Variants in ARPP19 observed in about 807,000 individuals in gnomAD.
ARPP19 encodes the protein cAMP-regulated phosphoprotein 19.
Under a neutral mutation model 12.0 loss-of-function variants are expected in ARPP19, and 8 were observed. The ratio of observed to expected loss-of-function variants is 0.67; its 90% CI spans 0.39 to 1.21. The LOEUF (loss-of-function observed/expected upper bound fraction) is 1.21, where lower values mean the gene tolerates loss of function less well. Ranked by LOEUF, ARPP19 falls within the 50% of genes most tolerant of loss-of-function variation. ARPP19 has a pLI of 0.01. For synonymous variants in ARPP19, 47 were observed against 50.4 expected, an observed-to-expected ratio of 0.93 and a Z score of 0.29; for missense variants, 102 against 136.3, an observed-to-expected ratio of 0.75 and a Z score of 1.25.
intron 1 of ARPP19, 21 bp downstream of exon 1, chr15:52,568,827 G>C (rs761326485): frequency 6.4e-7 from 1 of 1,561,984 alleles, no homozygotes; most frequent in Admixed American, 1.9e-5. Flanking sequence ...AGGGCCCAGG[G>C]CTCACGCCCC....
chr15:52,567,558 G>C (rs181581783), intron 1 of ARPP19, among the ~76,000 whole-genome samples: 2 of 152,240 alleles, frequency 1.3e-5, no homozygotes, highest in East Asian at 3.9e-4. Flanking sequence ...ATAAGCAGGT[G>C]ATACTTAATA....
chr15:52,566,150 G>A (rs1344937467), intron 1 of ARPP19, among the ~76,000 whole-genome samples: 6 of 150,698 alleles, frequency 4.0e-5, no homozygotes, highest in Non-Finnish European at 7.4e-5. Context: ...CACCGTGCCC[G>A]GCCAAATTTT....
chr15:52,564,251 A>G (rs2078061098), intron 1 of ARPP19: 3 of 1,532,276 alleles, frequency 2.0e-6, no homozygotes, highest in East Asian at 4.9e-5. Flanking sequence ...TTCACTCTGA[A>G]TAGAAATAGA....
chr15:52,569,078 G>A (rs370034014), upstream of ARPP19: 2 of 565,266 alleles, frequency 3.5e-6, no homozygotes, highest in Admixed American at 4.2e-5. Flanking sequence ...TCGCACGCCG[G>A]AGCCCGCCTG....
At chr15:52,556,306 TAGTA>T (rs1028203050) in intron 2 of ARPP19, among the ~76,000 whole-genome samples, 2 of 151,878 alleles carry the variant, frequency 1.3e-5, no homozygotes, top group African/African-American at 4.8e-5. Flanking sequence ...CTTCCCTGTA[TAGTA>T]AGTAATTTGA....
intron 1 of ARPP19, among the ~76,000 whole-genome samples, chr15:52,563,427 T>C (rs1182278631): frequency 1.3e-5 from 2 of 152,290 alleles, no homozygotes; most frequent in African/African-American, 2.4e-5. Context: ...ATGTATACGA[T>C]GTATGTATCC....
chr15:52,551,847 G>T lies in ARPP19; in HGVS notation c.*87C>A. ...CAAAGCTGTCAGTCTCAAATGACTA[G>T]TGAATGAAAGGAAATAAAAAGTAGA... On this transcript the variant is annotated 3_prime_UTR_variant, in exon 3 of 3. Coordinates refer to ENST00000249822, the MANE Select transcript of ARPP19 (RefSeq NM_006628.6). 1 of 1,005,260 alleles carries T rather than the reference G, an allele frequency of 9.9e-7. No homozygotes were observed. Among genetic ancestry groups the T allele is most frequent in the Non-Finnish European group, 1.5e-6 (1 of 660,102 alleles). The allele number at this position is 1,005,260 out of a possible 1,614,324, so 62.3% of individuals were successfully genotyped here. A position where few individuals can be genotyped will look rare whatever the true frequency, so the allele number is the denominator to read the frequency against.
At chr15:52,559,438 G>A (rs1371369017) in intron 1 of ARPP19, among the ~76,000 whole-genome samples, 2 of 152,194 alleles carry the variant, frequency 1.3e-5, no homozygotes, top group Non-Finnish European at 2.9e-5. Flanking sequence ...ACCTTAGCTA[G>A]CACTCAACTT....
chr15:52,551,931 T>C lies in ARPP19; in HGVS notation c.*3A>G, dbSNP rs1566893802. ...AGCAGATTCATGCAGTTCAGCCTCT[T>C]AATCAGCCAGCCAGCTTGCTAGCAA... On this transcript the variant is annotated 3_prime_UTR_variant, in exon 3 of 3. Coordinates refer to ENST00000249822, the MANE Select transcript of ARPP19 (RefSeq NM_006628.6). 1 of 1,609,998 alleles carries C rather than the reference T, an allele frequency of 6.2e-7. No individual in the cohort carries two copies. Among genetic ancestry groups the C allele is most frequent in the Non-Finnish European group, 8.5e-7 (1 of 1,176,994 alleles).
At position 52,547,646 on chromosome 15, in the gene ARPP19, A is replaced by T. The variant is rs2077890211; in HGVS notation, c.*4288T>A. 1.3e-5 allele frequency: 2 copies of T among 152,236 alleles called. No individual in the cohort carries two copies. The highest frequency in any genetic ancestry group is 6.5e-5 in the Admixed American group (1 of 15,288). 9.4% of individuals were successfully genotyped at this position (152,236 alleles called of 1,614,324 possible). A position where few individuals can be genotyped will look rare whatever the true frequency, so the allele number is the denominator to read the frequency against. On this transcript the variant is annotated 3_prime_UTR_variant, in exon 3 of 3. Transcript: ENST00000249822. ...TGTTTTTATTCTTAGATTAACAATGACAGAGTGAGATATCTTTGATTACAA... is the reference window on the plus strand; with the variant it reads ...TGTTTTTATTCTTAGATTAACAATGTCAGAGTGAGATATCTTTGATTACAA...
chr15:52,564,113 G>A, intron 1 of ARPP19: 1 of 1,017,500 alleles, frequency 9.8e-7, no homozygotes, highest in South Asian at 1.4e-5. Flanking sequence ...AACAAAAGAA[G>A]CAACCCTAAC....
chr15:52,567,337 A>G (rs2078092792), intron 1 of ARPP19, among the ~76,000 whole-genome samples: 1 of 152,262 alleles, frequency 6.6e-6, no homozygotes. Context: ...TTTTCCAAGT[A>G]AAAGTATTTA....
rs11857272 is a variant in ARPP19 at position 52,550,494 on chromosome 15, T to C, written c.*1440A>G. The stretch of plus-strand genomic sequence containing the variant: ...TATAAAGTTCCTTTTATTTAAACAA[T>C]TGTAGAATATTAGTAATAATAAAGG... On this transcript the variant is annotated 3_prime_UTR_variant, in exon 3 of 3. Transcript: ENST00000249822. The C allele has an allele frequency of 2.4e-4, 36 of 152,130 alleles. No homozygotes were observed. The highest frequency in any genetic ancestry group is 4.9e-4 in the Non-Finnish European group (33 of 68,024). 9.4% of individuals were successfully genotyped at this position (152,130 alleles called of 1,614,324 possible). A position where few individuals can be genotyped will look rare whatever the true frequency, so the allele number is the denominator to read the frequency against.
rs1548220 is a variant in ARPP19, at chr15:52,550,140, G to A, written c.*1794C>T. On this transcript the variant is annotated 3_prime_UTR_variant, in exon 3 of 3. Transcript: ENST00000249822. ...GTCAAAGATGAAGAGAAAAATAGTAGCATCTCAAGCTACTGATCCTGAGTA... is the reference window on the plus strand; with the variant it reads ...GTCAAAGATGAAGAGAAAAATAGTAACATCTCAAGCTACTGATCCTGAGTA... 0.9 allele frequency: 136,533 copies of A among 152,230 alleles called. 62,708 individuals carry two copies. Among genetic ancestry groups the A allele is most frequent in the Non-Finnish European group, 0.99 (67,647 of 68,030 alleles). 9.4% of individuals were successfully genotyped at this position (152,230 alleles called of 1,614,324 possible).
In ARPP19 at chr15:52,550,643, A is replaced by G. The variant is rs189267071; in HGVS notation, c.*1291T>C. The G allele has an allele frequency of 3.3e-5, 5 of 152,354 alleles. No individual in the cohort carries two copies. The highest frequency in any genetic ancestry group is 6.5e-5 in the Admixed American group (1 of 15,294). The allele number at this position is 152,354 out of a possible 1,614,324, so 9.4% of individuals were successfully genotyped here. The stretch of plus-strand genomic sequence containing the variant: ...AAAAAAAAAGAGAAAGAAGTTAACA[A>G]CTGAGAAATTAGAAGGAAAACGCCA... On this transcript the variant is annotated 3_prime_UTR_variant, in exon 3 of 3. Coordinates refer to ENST00000249822, the MANE Select transcript of ARPP19 (RefSeq NM_006628.6).
intron 1 of ARPP19, chr15:52,557,647 T>G (rs2077993078): frequency 6.6e-6 from 1 of 152,504 alleles, no homozygotes; most frequent in African/African-American, 2.4e-5. Flanking sequence ...TGAAGTTAGA[T>G]TCTTTACTAG....
intron 1 of ARPP19, among the ~76,000 whole-genome samples, chr15:52,561,663 A>T (rs969748617): frequency 6.6e-6 from 1 of 151,932 alleles, no homozygotes; most frequent in Non-Finnish European, 1.5e-5. Flanking sequence ...AATAAAAAAA[A>T]TTTTAAATAC....
chr15:52,556,875 A>C (rs1196808818), intron 2 of ARPP19: 5 of 415,030 alleles, frequency 1.2e-5, no homozygotes. Context: ...CACTATTTCT[A>C]CATGCTTTAA....
intron 2 of ARPP19, among the ~76,000 whole-genome samples, chr15:52,555,674 T>C (rs2077975412): frequency 6.6e-6 from 1 of 152,066 alleles, no homozygotes; most frequent in African/African-American, 2.4e-5. Context: ...AGAACATTTT[T>C]ATAAACCTTA....
Sources: gnomAD v4.1 joint callset for allele counts (sites outside exome capture counted in the v4.1 genomes callset) on GRCh38, gnomAD v4.1.1 for gene constraint, MANE v1.5 for transcripts, NCBI Gene and HGNC (gene_info 2026-07-23, HGNC 2026-07-21) for gene names.